The following OLFM3 variants were observed in gnomAD, a reference collection of about 807,000 sequenced individuals.
OLFM3 encodes olfactomedin 3.
Under a neutral mutation model 48.6 loss-of-function variants are expected in OLFM3, and 20 were observed. The ratio of observed to expected loss-of-function variants is 0.41; its 90% CI spans 0.29 to 0.60. The LOEUF is 0.60. Ranked by LOEUF, OLFM3 falls within the 20% of genes least tolerant of loss-of-function variation. The pLI is 0.28. For synonymous variants in OLFM3, 222 were observed against 198.1 expected (o/e 1.12, Z -1.01); for missense variants, 437 against 544.3 (o/e 0.80, Z 1.96).
intron 1 of OLFM3, among the ~76,000 whole-genome samples, chr1:101,894,679 A>G (rs1376852611): frequency 6.6e-6 from 1 of 152,110 alleles, no homozygotes; most frequent in Non-Finnish European, 1.5e-5. Context: ...TTTATGTCAT[A>G]TGTAATTTTT....
At chr1:101,880,084 A>G (rs1434533538) in intron 1 of OLFM3, among the ~76,000 whole-genome samples, 3 of 151,904 alleles carry the variant, frequency 2.0e-5, no homozygotes, top group Admixed American at 2.0e-4. Context: ...AAACACATAG[A>G]GATTAACTAT....
chr1:101,891,236 A>C (rs1657982581), intron 1 of OLFM3, among the ~76,000 whole-genome samples: 1 of 151,992 alleles, frequency 6.6e-6, no homozygotes, highest in South Asian at 2.1e-4. Context: ...CCATCCCATG[A>C]ATCATTAACT....
At chr1:101,994,847 C>T (rs1661515797) in intron 1 of OLFM3, among the ~76,000 whole-genome samples, 1 of 151,860 alleles carries the variant, frequency 6.6e-6, no homozygotes, top group Non-Finnish European at 1.5e-5. Flanking sequence ...TTAATGTATG[C>T]CTTCCCTGGA....
chr1:101,907,578 G>A (rs777532837), intron 1 of OLFM3, among the ~76,000 whole-genome samples: 168 of 152,342 alleles, frequency 1.1e-3, no homozygotes, highest in Non-Finnish European at 7.8e-4. Flanking sequence ...AGGGGACGGA[G>A]ATGATGTCAG....
rs184341456 is a variant in OLFM3 at position 101,966,715 on chromosome 1, C to T, written c.69+30033G>A. ...GCCCTAACATTCTATTTGACACTTA[C>T]CAAAGCATCTGGAGGTCTTTACTGA... On this transcript the variant is annotated intron_variant, in intron 1 of 5. Transcript: ENST00000370103. 2.8e-3 allele frequency among the ~76,000 whole-genome samples: 429 copies of T among 151,876 alleles called. 3 individuals are homozygous for T. The highest frequency in any genetic ancestry group is 5.0e-3 in the Non-Finnish European group (342 of 67,974).
At chr1:101,842,445 G>A (rs150402887) in intron 1 of OLFM3, among the ~76,000 whole-genome samples, 7 of 152,216 alleles carry the variant, frequency 4.6e-5, no homozygotes, top group Non-Finnish European at 8.8e-5. Flanking sequence ...ATGGGGGGCC[G>A]CTGAAGTGGG....
chr1:101,868,489 G>A (rs1243700914), intron 1 of OLFM3, among the ~76,000 whole-genome samples: 2 of 152,192 alleles, frequency 1.3e-5, no homozygotes, highest in Non-Finnish European at 2.9e-5. Context: ...ACTTGAGAAA[G>A]ATAATTTATG....
Position 101,806,181 on chromosome 1 carries a change from T to C in OLFM3, c.594A>G (p.Thr198=), listed in dbSNP as rs773219212. 2 of 1,611,130 alleles carry C rather than the reference T, an allele frequency of 1.2e-6. No homozygotes were observed. Among genetic ancestry groups the C allele is most frequent in the South Asian group, 1.1e-5 (1 of 90,998 alleles). Residue 198 remains threonine (T), a splice_region_variant and synonymous_variant, in exon 5 of 6, where the codon ACA becomes ACG. Coordinates refer to ENST00000370103, the MANE Select transcript of OLFM3 (RefSeq NM_058170.4). The stretch of plus-strand genomic sequence containing the variant: ...CTGTGATTTTCATCAGTTTGCCACA[T>C]GCTGAAATTAGAGAAACACAAACGT... ...TRLRDCMKKL[T]CGKLMKITGP...
intron 1 of OLFM3, among the ~76,000 whole-genome samples, chr1:101,857,169 C>A (rs533529878): frequency 3.9e-5 from 6 of 151,910 alleles, no homozygotes; most frequent in Non-Finnish European, 7.4e-5. Context: ...ACATTTTCAT[C>A]TCTCTTTTCA....
At chr1:101,816,058 T>C (rs1346830512) in intron 4 of OLFM3, among the ~76,000 whole-genome samples, 1 of 152,186 alleles carries the variant, frequency 6.6e-6, no homozygotes, top group African/African-American at 2.4e-5. Context: ...TTAAGAAGGA[T>C]ATAGTACTGA....
chr1:101,858,145 A>C (rs1257248064), intron 1 of OLFM3, among the ~76,000 whole-genome samples: 4 of 152,128 alleles, frequency 2.6e-5, no homozygotes, highest in Non-Finnish European at 5.9e-5. Context: ...TGGTTAATAA[A>C]TATGTCAATG....
At position 101,949,947 on chromosome 1, in the gene OLFM3, A is replaced by AAAAAAG. The variant is rs1267817145; in HGVS notation, c.69+46800_69+46801insCTTTTT. ...ACTCCGTCTGAAAAAAAAAAAAAAA[A>AAAAAAG]AGCCTCTGATGCGGAGTTTGCAGTG... On this transcript the variant is annotated intron_variant, in intron 1 of 5. Coordinates refer to ENST00000370103, the MANE Select transcript of OLFM3 (RefSeq NM_058170.4). Among the ~76,000 whole-genome samples the AAAAAAG allele has an allele frequency of 5.3e-5, 8 of 150,128 alleles. 2 individuals are homozygous for AAAAAAG. The highest frequency in any genetic ancestry group is 1.2e-4 in the Non-Finnish European group (8 of 67,426).
chr1:101,826,129 AACACACAC>A (rs66617960), intron 3 of OLFM3, among the ~76,000 whole-genome samples: 4,193 of 133,004 alleles, frequency 0.032, 84 homozygotes, highest in Middle Eastern at 0.073. Context: ...ACTTTCGTCA[AACACACAC>A]ACACACACAC....
At chr1:101,813,113 C>CT (rs1398614157) in intron 4 of OLFM3, 67 of 1,288,726 alleles carry the variant, frequency 5.2e-5, no homozygotes, top group Middle Eastern at 2.1e-4. Flanking sequence ...TTTCTGTTGC[C>CT]TTTTTTCTTC....
At chr1:101,850,642 GA>G (rs913982676) in intron 1 of OLFM3, among the ~76,000 whole-genome samples, 2 of 151,786 alleles carry the variant, frequency 1.3e-5, no homozygotes, top group African/African-American at 4.8e-5. Flanking sequence ...TCAAATACAT[GA>G]AAAAAACCTG....
chr1:101,929,799 T>C (rs1399355265), intron 1 of OLFM3, among the ~76,000 whole-genome samples: 4 of 152,148 alleles, frequency 2.6e-5, no homozygotes, highest in African/African-American at 9.6e-5. Flanking sequence ...ATCCCAGTAA[T>C]GTTTTCTTGC....
rs1654799121 is a variant in OLFM3, at chr1:101,825,132, A to C, written c.486T>G (p.Ala162=). 6.2e-7 allele frequency: 1 copy of C among 1,613,998 alleles called. No homozygotes were observed. The highest frequency in any genetic ancestry group is 1.3e-5 in the African/African-American group (1 of 74,934). ...QFKEEIRNLS[A]VLTGIQEEIG... ...TTTCCTCCTGAATACCAGTGAGGAC[A>C]GCAGACAGATTCCTTATTTCCTCCT... Residue 162 remains alanine, a synonymous_variant, in exon 4 of 6, where the codon GCT becomes GCG. Coordinates refer to ENST00000370103, the MANE Select transcript of OLFM3 (RefSeq NM_058170.4).
intron 1 of OLFM3, among the ~76,000 whole-genome samples, chr1:101,877,432 G>A (rs935497641): frequency 2.6e-5 from 4 of 151,910 alleles, no homozygotes; most frequent in African/African-American, 7.2e-5. Context: ...GATTAAATAT[G>A]TTCCAATTTT....
At chr1:101,945,991 CAT>C (rs1659952772) in intron 1 of OLFM3, among the ~76,000 whole-genome samples, 2 of 152,102 alleles carry the variant, frequency 1.3e-5, no homozygotes, top group South Asian at 4.1e-4. Context: ...AAAATGGAAT[CAT>C]GTGCCAAAAA....
Sources: allele counts gnomAD v4.1 joint callset (sites outside exome capture counted in the v4.1 genomes callset), GRCh38; gene constraint gnomAD v4.1.1; transcripts MANE v1.5; gene names NCBI Gene and HGNC (gene_info 2026-07-23, HGNC 2026-07-21).